Variants in DIS3L2 observed in about 807,000 individuals in gnomAD.
DIS3L2 encodes the protein DIS3-like exonuclease 2.
A neutral mutation model predicts 97.5 loss-of-function variants in DIS3L2; 34 were observed. The ratio of observed to expected loss-of-function variants is 0.35; its 90% CI spans 0.27 to 0.46. The LOEUF is 0.46. Ranked by LOEUF, DIS3L2 falls within the 20% of genes least tolerant of loss-of-function variation. The pLI is 1.00. For missense variants in DIS3L2, 1,038 were observed against 1,146.0 expected (o/e 0.91, Z 1.36); for synonymous variants, 435 against 445.2 (o/e 0.98, Z 0.29).
chr2:232,336,164 A>G (rs750277284), intron 20 of DIS3L2: 1 of 1,533,182 alleles, frequency 6.5e-7, no homozygotes, highest in Admixed American at 2.0e-5. Context: ...ACCTGATGAA[A>G]GCTATGAGTT....
At chr2:232,334,082 T>A in intron 17 of DIS3L2, 95 bp downstream of exon 17, 1 of 1,499,048 alleles carries the variant, frequency 6.7e-7, no homozygotes, top group Non-Finnish European at 8.9e-7. Flanking sequence ...CATTCTGCCG[T>A]GACAGCGGAG....
chr2:232,040,760 A>G (rs904795331), intron 5 of DIS3L2, among the ~76,000 whole-genome samples: 1 of 152,142 alleles, frequency 6.6e-6, no homozygotes, highest in Non-Finnish European at 1.5e-5. Context: ...TGTGAATGAG[A>G]AAACTGGGGC....
chr2:232,119,302 G>T (rs1216855420), intron 6 of DIS3L2, among the ~76,000 whole-genome samples: 2 of 152,100 alleles, frequency 1.3e-5, no homozygotes. Context: ...AGTTTTAATG[G>T]ATAACTAGCT....
chr2:232,012,494 G>T (rs1463575762), intron 1 of DIS3L2, among the ~76,000 whole-genome samples: 1 of 147,918 alleles, frequency 6.8e-6, no homozygotes, highest in African/African-American at 2.4e-5. Flanking sequence ...TTCAATTCCA[G>T]CGCTTGTTTT....
chr2:232,189,196 ACAC>A (rs1047175252), intron 9 of DIS3L2, among the ~76,000 whole-genome samples: 1 of 152,216 alleles, frequency 6.6e-6, no homozygotes, highest in Non-Finnish European at 1.5e-5. Flanking sequence ...AAAAAACTAA[ACAC>A]AACCCGGTAA....
chr2:232,308,706 A>G (rs1422019884), intron 14 of DIS3L2, among the ~76,000 whole-genome samples: 2 of 152,148 alleles, frequency 1.3e-5, no homozygotes, highest in Non-Finnish European at 2.9e-5. Flanking sequence ...CTGCTAGCTC[A>G]GGTCACTGTA....
intron 9 of DIS3L2, among the ~76,000 whole-genome samples, chr2:232,193,450 G>A (rs1559721727): frequency 6.6e-6 from 1 of 152,194 alleles, no homozygotes; most frequent in Non-Finnish European, 1.5e-5. Context: ...CAGGTATAGT[G>A]CTTAGCACAG....
chr2:231,964,346 C>A (rs139445471), intron 1 of DIS3L2, among the ~76,000 whole-genome samples: 7 of 152,258 alleles, frequency 4.6e-5, no homozygotes, highest in African/African-American at 1.7e-4. Context: ...TTTGTGCTTA[C>A]AAGTTTTCTG....
At chr2:232,231,061 C>A (rs1692779061) in intron 10 of DIS3L2, among the ~76,000 whole-genome samples, 1 of 152,190 alleles carries the variant, frequency 6.6e-6, no homozygotes, top group East Asian at 1.9e-4. Flanking sequence ...AGGCTCCAGA[C>A]ATTCGCTGTT....
chr2:232,339,516 G>T (rs901065917), downstream of DIS3L2, among the ~76,000 whole-genome samples: 1 of 152,262 alleles, frequency 6.6e-6, no homozygotes, highest in African/African-American at 2.4e-5. Context: ...TTCCGCCAGA[G>T]TTGTGTGTGG....
At chr2:232,156,590 A>T (rs1297530464) in intron 8 of DIS3L2, among the ~76,000 whole-genome samples, 3 of 152,060 alleles carry the variant, frequency 2.0e-5, no homozygotes, top group African/African-American at 2.4e-5. Context: ...TATTATATTT[A>T]AAAAACTGGA....
At chr2:232,186,612 A>C (rs530715995) in intron 9 of DIS3L2, among the ~76,000 whole-genome samples, 1 of 152,236 alleles carries the variant, frequency 6.6e-6, no homozygotes, top group Non-Finnish European at 1.5e-5. Flanking sequence ...CTGTGGACCA[A>C]TATCCCTCCT....
At chr2:231,985,874 T>C (rs1321750421) in intron 1 of DIS3L2, among the ~76,000 whole-genome samples, 1 of 152,192 alleles carries the variant, frequency 6.6e-6, no homozygotes, top group Non-Finnish European at 1.5e-5. Flanking sequence ...GTGAGAGTGT[T>C]GCCAGAGGTG....
rs1559181238 is a variant in DIS3L2, at chr2:232,263,276, A to G, written c.1495A>G (p.Ser499Gly). ...CTKLSYEHAQ[S>G]MIESPTEKIP... ...CAAACTTAGCTACGAGCATGCACAG[A>G]GCATGATTGAAAGCCCAACTGAGAA... The change falls in exon 13 of 21, where the codon AGC (serine) becomes GGC (glycine). Residue 499 changes from serine to glycine, a missense_variant. This residue lies in a region of DIS3L2 where 813 missense variants were observed against 880.1 expected (regional missense o/e 0.92). Coordinates refer to ENST00000325385, the MANE Select transcript of DIS3L2 (RefSeq NM_152383.5). 1.2e-6 allele frequency: 2 copies of G among 1,614,212 alleles called. No individual in the cohort carries two copies. The highest frequency in any genetic ancestry group is 1.7e-5 in the Admixed American group (1 of 60,028).
chr2:232,204,436 T>G (rs932326182), intron 9 of DIS3L2, among the ~76,000 whole-genome samples: 1 of 152,188 alleles, frequency 6.6e-6, no homozygotes, highest in African/African-American at 2.4e-5. Context: ...TCTTAGAAGT[T>G]TTCTGTCTCT....
intron 8 of DIS3L2, among the ~76,000 whole-genome samples, chr2:232,158,649 T>C (rs551517809): frequency 6.6e-6 from 1 of 152,154 alleles, no homozygotes; most frequent in South Asian, 2.1e-4. Flanking sequence ...CCCTTTGATA[T>C]CCTTTCAAGA....
chr2:232,145,699 C>G (rs1168547026), intron 8 of DIS3L2, among the ~76,000 whole-genome samples: 1 of 152,032 alleles, frequency 6.6e-6, no homozygotes, highest in Non-Finnish European at 1.5e-5. Context: ...AAGTACTTAT[C>G]TTTGAGTTTT....
chr2:232,341,339 A>G (rs1380269275), downstream of DIS3L2, among the ~76,000 whole-genome samples: 1 of 152,232 alleles, frequency 6.6e-6, no homozygotes, highest in Non-Finnish European at 1.5e-5. Flanking sequence ...TGACATGGAT[A>G]GAAAGCTGAA....
intron 9 of DIS3L2, among the ~76,000 whole-genome samples, chr2:232,190,476 T>A (rs747818925): frequency 6.6e-6 from 1 of 152,166 alleles, no homozygotes; most frequent in African/African-American, 2.4e-5. Flanking sequence ...GATTTTGCTT[T>A]AAAGAACATG....
Sources: allele counts gnomAD v4.1 joint callset (sites outside exome capture counted in the v4.1 genomes callset), GRCh38; gene constraint gnomAD v4.1.1; regional missense constraint gnomAD v4.1.1; transcripts MANE v1.5; gene names NCBI Gene and HGNC (gene_info 2026-07-23, HGNC 2026-07-21).